Variants in DMD observed in about 807,000 individuals in gnomAD.
DMD encodes dystrophin.
A neutral mutation model predicts 330.1 loss-of-function variants in DMD; 63 were observed. That is an observed-to-expected ratio of 0.19 (90% CI 0.16 to 0.24). The LOEUF (loss-of-function observed/expected upper bound fraction) is 0.24, where lower values mean the gene tolerates loss of function less well. Among genes scored for constraint, DMD ranks in the 10% least tolerant of loss-of-function variants. The probability of loss-of-function intolerance (pLI) is 1.00; values close to 1 mark genes in which losing one functional copy is unlikely to be tolerated. For missense variants in DMD, 3,344 were observed against 2,684.1 expected, an observed-to-expected ratio of 1.25 and a Z score of -5.43; for synonymous variants, 1,223 against 959.8, an observed-to-expected ratio of 1.27 and a Z score of -5.07.
intron 2 of DMD, among the ~76,000 whole-genome samples, chrX:33,000,348 A>T (rs1342067049): frequency 8.9e-6 from 1 of 112,155 alleles, no homozygotes; most frequent in Non-Finnish European, 1.9e-5. Context: ...AACTATATGT[A>T]ATTGTTTCAA....
intron 19 of DMD, among the ~76,000 whole-genome samples, chrX:32,492,715 TTATA>T (rs2043123991): frequency 8.9e-6 from 1 of 112,662 alleles, no homozygotes. Context: ...ATTTATTAGC[TTATA>T]TAGTTTTCTT....
At chrX:31,159,258 T>A (rs931672776) in intron 74 of DMD, among the ~76,000 whole-genome samples, 1 of 111,636 alleles carries the variant, frequency 9.0e-6, no homozygotes. Context: ...AGACTGGGAA[T>A]CATGCTCACT....
chrX:33,128,018 C>T (rs2095475764), intron 1 of DMD: 1 of 1,152,067 alleles, frequency 8.7e-7, no homozygotes, highest in Non-Finnish European at 1.2e-6. Flanking sequence ...GAACAGGAGT[C>T]ATCCAAATAT....
chrX:32,439,317 A>T (rs1485049222), intron 28 of DMD, among the ~76,000 whole-genome samples: 1 of 111,255 alleles, frequency 9.0e-6, no homozygotes, highest in Non-Finnish European at 1.9e-5. Flanking sequence ...TTAAGTTTCA[A>T]GAAAATAAAG....
intron 2 of DMD, among the ~76,000 whole-genome samples, chrX:33,009,582 A>G (rs865873834): frequency 1.6e-5 from 1 of 61,210 alleles, no homozygotes; most frequent in Admixed American, 1.6e-4. Context: ...ATATACACAT[A>G]TGTGTGTATG....
chrX:32,077,081 T>A (rs1039776732), intron 44 of DMD, among the ~76,000 whole-genome samples: 6 of 111,871 alleles, frequency 5.4e-5, no homozygotes, highest in African/African-American at 2.0e-4. Flanking sequence ...TCCATTTGCA[T>A]AAAATTCAAA....
rs1367100687 is a variant in DMD at position 32,045,345 on chromosome X, TG to T, written c.6439-76832del. 1.5e-4 allele frequency among the ~76,000 whole-genome samples: 15 copies of T among 101,871 alleles called. 1 individual carries two copies. Among genetic ancestry groups the T allele is most frequent in the Admixed American group, 2.1e-4 (2 of 9,676 alleles). 88.5% of individuals were successfully genotyped at this position (101,871 alleles called of 115,157 possible). A position where few individuals can be genotyped will look rare whatever the true frequency, so the allele number is the denominator to read the frequency against. On this transcript the variant is annotated intron_variant, in intron 44 of 78. Transcript: ENST00000357033. ...AGCTGAGTTCTTGAGCGATCTGTTT[TG>T]TTTTTTTTTTTTTTAAATGTGTGGC...
intron 7 of DMD, among the ~76,000 whole-genome samples, chrX:32,738,490 G>A (rs775009853): frequency 9.0e-6 from 1 of 111,497 alleles, no homozygotes; most frequent in East Asian, 2.8e-4. Flanking sequence ...TAAAGCAATT[G>A]TAAGGCTTAA....
At chrX:31,499,491 T>C (rs1252859484) in intron 56 of DMD, among the ~76,000 whole-genome samples, 1 of 98,445 alleles carries the variant, frequency 1.0e-5, no homozygotes, top group African/African-American at 3.7e-5. Context: ...ATTCAGTTCT[T>C]TTTTTTTTTT....
chrX:33,100,535 T>C (rs1371617888), intron 1 of DMD, among the ~76,000 whole-genome samples: 1 of 110,093 alleles, frequency 9.1e-6, no homozygotes, highest in Non-Finnish European at 1.9e-5. Context: ...GTACTACTAA[T>C]ATAAAATTAG....
At chrX:32,681,132 A>G (rs1244920022) in intron 9 of DMD, among the ~76,000 whole-genome samples, 1 of 111,914 alleles carries the variant, frequency 8.9e-6, no homozygotes, top group Non-Finnish European at 1.9e-5. Context: ...GGTTATTTCC[A>G]TGGCTTTAGT....
intron 44 of DMD, among the ~76,000 whole-genome samples, chrX:32,012,675 G>A (rs1438386057): frequency 1.8e-5 from 2 of 111,688 alleles, no homozygotes; most frequent in African/African-American, 3.3e-5. Flanking sequence ...AGGCAGTTAC[G>A]AAGGGCCCGA....
intron 4 of DMD, among the ~76,000 whole-genome samples, chrX:32,840,960 T>TAGTAGATC (rs1448165559): frequency 7.1e-5 from 8 of 111,987 alleles, no homozygotes; most frequent in Non-Finnish European, 1.5e-4. Context: ...TTTTCACATT[T>TAGTAGATC]AGTAGATCAT....
intron 1 of DMD, among the ~76,000 whole-genome samples, chrX:33,058,562 C>A (rs2148057953): frequency 9.1e-6 from 1 of 110,209 alleles, no homozygotes; most frequent in Admixed American, 9.7e-5. Flanking sequence ...TTTGGCCTCC[C>A]AAAGTGCTGG....
intron 67 of DMD, among the ~76,000 whole-genome samples, chrX:31,190,843 C>T (rs1414924413): frequency 9.0e-6 from 1 of 111,238 alleles, no homozygotes; most frequent in Non-Finnish European, 1.9e-5. Flanking sequence ...TCACTATTCA[C>T]TAAACAACAG....
intron 7 of DMD, among the ~76,000 whole-genome samples, chrX:32,772,251 A>C (rs1324150453): frequency 8.9e-6 from 1 of 112,820 alleles, no homozygotes; most frequent in East Asian, 2.8e-4. Context: ...ATATGCACTT[A>C]CATCCCACAA....
At chrX:32,942,362 G>A (rs942265149) in intron 2 of DMD, among the ~76,000 whole-genome samples, 2 of 111,442 alleles carry the variant, frequency 1.8e-5, no homozygotes, top group African/African-American at 6.5e-5. Context: ...GGCCAACATG[G>A]TGAAACCCCA....
At chrX:32,385,449 G>T (rs1035446016) in intron 33 of DMD, among the ~76,000 whole-genome samples, 2 of 110,509 alleles carry the variant, frequency 1.8e-5, no homozygotes, top group African/African-American at 6.6e-5. Flanking sequence ...ATGATTTGAA[G>T]AAAACAGGAA....
chrX:33,024,489 T>C (rs1396904334), intron 1 of DMD, among the ~76,000 whole-genome samples: 1 of 112,109 alleles, frequency 8.9e-6, no homozygotes, highest in Non-Finnish European at 1.9e-5. Flanking sequence ...TTTTATTCTC[T>C]CTACGGGGAA....
Sources: allele counts gnomAD v4.1 joint callset (sites outside exome capture counted in the v4.1 genomes callset), GRCh38; gene constraint gnomAD v4.1.1; transcripts MANE v1.5; gene names NCBI Gene and HGNC (gene_info 2026-07-23, HGNC 2026-07-21).